The following RBM33 variants were observed in gnomAD, a reference collection of about 807,000 sequenced individuals.
RBM33 encodes the protein RNA binding motif protein 33, also known as RNA-binding protein 33.
In RBM33, 28 loss-of-function variants were observed where a neutral mutation model predicts 132.6. That is an observed-to-expected ratio of 0.21 (90% confidence interval 0.16 to 0.29). The LOEUF (loss-of-function observed/expected upper bound fraction) is 0.29, where lower values mean the gene tolerates loss of function less well. Ranked by LOEUF, RBM33 falls within the 10% of genes least tolerant of loss-of-function variation. The probability of loss-of-function intolerance (pLI) is 1.00; values close to 1 mark genes in which losing one functional copy is unlikely to be tolerated. For missense variants in RBM33, 1,291 were observed against 1,518.5 expected (o/e 0.85, Z 2.49); for synonymous variants, 634 against 593.0 (o/e 1.07, Z -1.01).
chr7:155,750,812 A>C (rs984715424), intron 14 of RBM33, among the ~76,000 whole-genome samples: 2 of 152,086 alleles, frequency 1.3e-5, no homozygotes, highest in African/African-American at 4.8e-5. Context: ...CTTTATTCTA[A>C]TCAAGTTAAT....
chr7:155,668,981 T>G (rs191350754), intron 2 of RBM33, among the ~76,000 whole-genome samples: 17 of 152,354 alleles, frequency 1.1e-4, no homozygotes, highest in Non-Finnish European at 2.2e-4. Context: ...GTGAGACGGT[T>G]CTAGGTTTTA....
rs774356918 is a variant in RBM33, at chr7:155,781,322, G to A, written c.*6281G>A. On this transcript the variant is annotated 3_prime_UTR_variant, in exon 18 of 18. Coordinates refer to ENST00000401878, the MANE Select transcript of RBM33 (RefSeq NM_053043.3). ...TGTTCACTTCGCGTTAACTGCTGTGGTAACTTTTTCAGGATCTGTGTGAAG... is the reference window on the plus strand; with the variant it reads ...TGTTCACTTCGCGTTAACTGCTGTGATAACTTTTTCAGGATCTGTGTGAAG... The A allele has an allele frequency of 6.6e-6, 1 of 152,260 alleles. No homozygotes were observed. Among genetic ancestry groups the A allele is most frequent in the Non-Finnish European group, 1.5e-5 (1 of 68,050 alleles). 9.4% of individuals were successfully genotyped at this position (152,260 alleles called of 1,614,324 possible). A position where few individuals can be genotyped will look rare whatever the true frequency, so the allele number is the denominator to read the frequency against.
intron 6 of RBM33, among the ~76,000 whole-genome samples, chr7:155,702,218 C>T (rs780363758): frequency 1.3e-5 from 2 of 152,200 alleles, no homozygotes; most frequent in African/African-American, 4.8e-5. Context: ...AAACATGAGC[C>T]TGTATCTTTA....
chr7:155,673,525 TAC>T (rs1304806037), intron 3 of RBM33, among the ~76,000 whole-genome samples: 1 of 137,860 alleles, frequency 7.3e-6, no homozygotes, highest in Non-Finnish European at 1.5e-5. Flanking sequence ...TGTATATATA[TAC>T]ACACATATAT....
At chr7:155,759,415 C>CTTTTTTTTTTTT (rs58449648) in intron 14 of RBM33, among the ~76,000 whole-genome samples, 7 of 113,996 alleles carry the variant, frequency 6.1e-5, no homozygotes, top group Non-Finnish European at 7.0e-5. Flanking sequence ...TGTTTATGTT[C>CTTTTTTTTTTTT]TTTTTTTTTT....
intron 5 of RBM33, among the ~76,000 whole-genome samples, chr7:155,687,356 A>T (rs927393827): frequency 1.4e-4 from 21 of 152,144 alleles, no homozygotes; most frequent in African/African-American, 5.1e-4. Flanking sequence ...GTTTGAGTTC[A>T]TTGTACATTC....
Position 155,675,293 on chromosome 7 carries a change from CAA to C in RBM33, c.171+2399_171+2400del, listed in dbSNP as rs71881256. ...TGGGAGACGGAGTGAGACTCCGTCT[CAA>C]AAAAAAAAAAAAAAAAAAAAGAATT... On this transcript the variant is annotated intron_variant, in intron 3 of 17. Transcript: ENST00000401878. 4.6e-3 allele frequency among the ~76,000 whole-genome samples: 594 copies of C among 128,610 alleles called. 1 individual carries two copies. Among genetic ancestry groups the C allele is most frequent in the African/African-American group, 0.018 (564 of 32,102 alleles). The allele number at this position is 128,610 out of a possible 152,430, so 84.4% of individuals were successfully genotyped here. A position where few individuals can be genotyped will look rare whatever the true frequency, so the allele number is the denominator to read the frequency against.
intron 7 of RBM33, 183 bp downstream of exon 7, chr7:155,707,251 G>A (rs773415206): frequency 1.4e-6 from 1 of 702,066 alleles, no homozygotes; most frequent in Non-Finnish European, 2.6e-6. Flanking sequence ...TAGAAATTCA[G>A]CACTCCAGTC....
chr7:155,661,388 GT>G lies in RBM33; in HGVS notation c.44-3775del, dbSNP rs572322156. 5.6e-3 allele frequency among the ~76,000 whole-genome samples: 773 copies of G among 138,212 alleles called. 9 individuals are homozygous for G. Among genetic ancestry groups the G allele is most frequent in the African/African-American group, 0.018 (677 of 38,046 alleles). 90.7% of individuals were successfully genotyped at this position (138,212 alleles called of 152,430 possible). Reference sequence around the variant, plus strand: ...CCCCCTGCCTTGGCCTCCTGAAGTGGTTTTTTTTTTTTCTTTCTTTTTTTTT... The same window carrying G: ...CCCCCTGCCTTGGCCTCCTGAAGTGGTTTTTTTTTTTCTTTCTTTTTTTTT... On this transcript the variant is annotated intron_variant, in intron 1 of 17. Transcript: ENST00000401878.
At position 155,757,847 on chromosome 7, in the gene RBM33, C is replaced by T. The variant is rs553191296; in HGVS notation, c.2980-5965C>T. Among the ~76,000 whole-genome samples the T allele has an allele frequency of 5.2e-5, 7 of 134,924 alleles. No homozygotes were observed. The South Asian group carries it at 1.6e-3, about 30-fold the overall frequency. 88.5% of individuals were successfully genotyped at this position (134,924 alleles called of 152,430 possible). A position where few individuals can be genotyped will look rare whatever the true frequency, so the allele number is the denominator to read the frequency against. On this transcript the variant is annotated intron_variant, in intron 14 of 17. Coordinates refer to ENST00000401878, the MANE Select transcript of RBM33 (RefSeq NM_053043.3). Reference sequence around the variant, plus strand: ...GGTGGAATGCAGAGTGGGGAGCAGGCGCATTTCATGGCAAAAGCAGGAGCA... The same window carrying T: ...GGTGGAATGCAGAGTGGGGAGCAGGTGCATTTCATGGCAAAAGCAGGAGCA...
Position 155,764,329 on chromosome 7 carries a change from G to A in RBM33, c.3186+311G>A, listed in dbSNP as rs527589703. Reference sequence around the variant, plus strand: ...CTCTCGGGACAGCGCCTGCTGCTGCGTGTCAGCATGCTTTCCTTCCTGTGT... The same window carrying A: ...CTCTCGGGACAGCGCCTGCTGCTGCATGTCAGCATGCTTTCCTTCCTGTGT... On this transcript the variant is annotated intron_variant, in intron 15 of 17. Coordinates refer to ENST00000401878, the MANE Select transcript of RBM33 (RefSeq NM_053043.3). 6.8e-5 allele frequency among the ~76,000 whole-genome samples: 7 copies of A among 103,144 alleles called. No homozygotes were observed. In the East Asian group the frequency reaches 1.5e-3, roughly 22 times the overall value. The allele number at this position is 103,144 out of a possible 152,430, so 67.7% of individuals were successfully genotyped here.
chr7:155,700,718 T>C (rs781008860), intron 5 of RBM33, 55 bp from the exon 6 acceptor site: 55 of 1,249,056 alleles, frequency 4.4e-5, no homozygotes, highest in Non-Finnish European at 5.8e-5. Flanking sequence ...TAATATTTAA[T>C]TCAAAAGAAT....
chr7:155,722,753 A>G (rs1386722394), intron 9 of RBM33, among the ~76,000 whole-genome samples: 1 of 152,184 alleles, frequency 6.6e-6, no homozygotes, highest in Non-Finnish European at 1.5e-5. Flanking sequence ...TAAGCTTGTG[A>G]AAAAGTGCTG....
At chr7:155,735,010 C>T (rs10261098) in intron 9 of RBM33, among the ~76,000 whole-genome samples, 25,123 of 152,140 alleles carry the variant, frequency 0.17, 2,129 homozygotes, top group East Asian at 0.28. Context: ...CTGCAACTTA[C>T]GATGGGGTTA....
intron 3 of RBM33, among the ~76,000 whole-genome samples, chr7:155,673,613 C>G (rs189080287): frequency 3.8e-5 from 3 of 79,544 alleles, no homozygotes; most frequent in African/African-American, 1.6e-4. Context: ...TACATACACA[C>G]GTGTATATAT....
chr7:155,729,057 C>CT (rs1391791976), intron 9 of RBM33, among the ~76,000 whole-genome samples: 1 of 152,184 alleles, frequency 6.6e-6, no homozygotes, highest in Non-Finnish European at 1.5e-5. Context: ...TTCCGCATGG[C>CT]TGGAGAGGCC....
intron 1 of RBM33, among the ~76,000 whole-genome samples, chr7:155,653,348 A>C (rs971416520): frequency 6.6e-6 from 1 of 152,178 alleles, no homozygotes; most frequent in African/African-American, 2.4e-5. Context: ...TCTGGTGGAC[A>C]TGCCCTTTTG....
intron 5 of RBM33, among the ~76,000 whole-genome samples, chr7:155,687,658 G>A (rs1374621449): frequency 6.6e-6 from 1 of 152,176 alleles, no homozygotes; most frequent in African/African-American, 2.4e-5. Flanking sequence ...TTCGTATAAG[G>A]TGTAAGGAAG....
chr7:155,715,853 A>AT (rs1800445193), intron 8 of RBM33, among the ~76,000 whole-genome samples: 2 of 152,258 alleles, frequency 1.3e-5, no homozygotes, highest in African/African-American at 4.8e-5. Context: ...TAAACCTTTG[A>AT]TTCTCAGAGC....
Sources: allele counts gnomAD v4.1 joint callset (sites outside exome capture counted in the v4.1 genomes callset), GRCh38; gene constraint gnomAD v4.1.1; transcripts MANE v1.5; gene names NCBI Gene and HGNC (gene_info 2026-07-23, HGNC 2026-07-21).